SHC4: variants seen among roughly 807,000 people sequenced by gnomAD.
SHC4 encodes the protein SHC-transforming protein 4.
SHC4 carries 41 observed loss-of-function variants against 69.4 expected under a neutral mutation model. That is an observed-to-expected ratio of 0.59 (90% CI 0.46 to 0.77). The LOEUF (loss-of-function observed/expected upper bound fraction) is 0.77, where lower values mean the gene tolerates loss of function less well. SHC4 is among the 30% of genes least tolerant of loss of function. The pLI, the probability that SHC4 is intolerant of heterozygous loss-of-function variation, is 0.00. For synonymous variants in SHC4, 318 were observed against 299.3 expected (o/e 1.06, Z -0.64); for missense variants, 777 against 783.8 (o/e 0.99, Z 0.10).
At position 48,948,071 on chromosome 15, in the gene SHC4, G is replaced by A. The variant is rs953550631; in HGVS notation, c.585+14360C>T. On this transcript the variant is annotated intron_variant, in intron 1 of 11. Coordinates refer to ENST00000332408, the MANE Select transcript of SHC4 (RefSeq NM_203349.4). ...TCAGTTTCATCTCATGAATACACAG[G>A]GTCTTGGATAGGATTCTGCATGGGC... The A allele has an allele frequency of 2.6e-5, 4 of 152,174 alleles. No individual in the cohort carries two copies. In the East Asian group the frequency reaches 7.7e-4, roughly 29 times the overall value. The allele number at this position is 152,174 out of a possible 1,614,324, so 9.4% of individuals were successfully genotyped here.
chr15:48,828,032 C>A (rs1330229885), intron 11 of SHC4, among the ~76,000 whole-genome samples: 1 of 152,058 alleles, frequency 6.6e-6, no homozygotes, highest in Admixed American at 6.6e-5. Flanking sequence ...TAACTTCACC[C>A]ACACAAGATT....
At position 48,884,280 on chromosome 15, in the gene SHC4, T is replaced by C; in HGVS notation, c.808A>G (p.Ser270Gly). ...MNIKLTISTC[S>G]LTLMNLDNQQ... ...TTGTCAAGATTCATCAATGTGAGAC[T>C]GCATGTTGAGATGGTCAGTTTTATA... Residue 270 changes from serine (S) to glycine (G), a missense_variant, in exon 4 of 12, where the codon AGT becomes GGT. Coordinates refer to ENST00000332408, the MANE Select transcript of SHC4 (RefSeq NM_203349.4). 6.2e-7 allele frequency: 1 copy of C among 1,610,836 alleles called. No homozygotes were observed. The highest frequency in any genetic ancestry group is 8.5e-7 in the Non-Finnish European group (1 of 1,178,882).
At chr15:48,907,759 G>A (rs1321710185) in intron 2 of SHC4, among the ~76,000 whole-genome samples, 3 of 145,788 alleles carry the variant, frequency 2.1e-5, no homozygotes, top group Non-Finnish European at 4.4e-5. Context: ...TTATGACTGT[G>A]TAGTATTCCA....
chr15:48,919,375 A>C (rs112042064), intron 2 of SHC4, among the ~76,000 whole-genome samples: 2 of 130,174 alleles, frequency 1.5e-5, no homozygotes, highest in Non-Finnish European at 3.1e-5. Context: ...GTCACAATTC[A>C]CTGCAGCTTT....
chr15:48,881,250 C>T (rs2141001038), intron 4 of SHC4, among the ~76,000 whole-genome samples: 1 of 151,936 alleles, frequency 6.6e-6, no homozygotes, highest in East Asian at 1.9e-4. Context: ...ACCAACATCT[C>T]AGTACAGAGA....
intron 11 of SHC4, among the ~76,000 whole-genome samples, chr15:48,833,239 G>A (rs1898837470): frequency 6.6e-6 from 1 of 152,112 alleles, no homozygotes; most frequent in Non-Finnish European, 1.5e-5. Flanking sequence ...TCTGTGGGGG[G>A]ACGTGACTTT....
At chr15:48,846,597 T>C (rs941839157) in intron 9 of SHC4, among the ~76,000 whole-genome samples, 8 of 152,212 alleles carry the variant, frequency 5.3e-5, no homozygotes, top group African/African-American at 1.9e-4. Context: ...CATGATATAC[T>C]GCAAGAATCT....
chr15:48,882,329 T>C (rs1210442151), intron 4 of SHC4, among the ~76,000 whole-genome samples: 12 of 152,088 alleles, frequency 7.9e-5, no homozygotes, highest in Admixed American at 7.9e-4. Flanking sequence ...ATAAATGAGA[T>C]CTTAACTTTG....
intron 2 of SHC4, among the ~76,000 whole-genome samples, chr15:48,918,027 TCTGTAGCGGTAA>T (rs1900662542): frequency 6.6e-6 from 1 of 152,236 alleles, no homozygotes; most frequent in African/African-American, 2.4e-5. Context: ...GTTGTTTGTA[TCTGTAGCGGTAA>T]TTACTTACAC....
intron 4 of SHC4, among the ~76,000 whole-genome samples, chr15:48,874,776 C>T (rs1899761551): frequency 6.6e-6 from 1 of 152,180 alleles, no homozygotes; most frequent in Admixed American, 6.5e-5. Flanking sequence ...ACTTAAGTTG[C>T]ATCTGGTGGC....
intron 1 of SHC4, among the ~76,000 whole-genome samples, chr15:48,942,618 G>C (rs1443736139): frequency 6.6e-6 from 1 of 151,998 alleles, no homozygotes; most frequent in Non-Finnish European, 1.5e-5. Context: ...TTTTTACATT[G>C]CTTGAAGGTC....
At chr15:48,851,142 AC>A (rs1899206087) in intron 9 of SHC4, 45 bp downstream of exon 9, 1 of 1,591,794 alleles carries the variant, frequency 6.3e-7, no homozygotes, top group Admixed American at 1.7e-5. Context: ...CATAGGACTT[AC>A]AAGGAATAAG....
chr15:48,924,641 A>C (rs1900813447), intron 2 of SHC4, among the ~76,000 whole-genome samples: 1 of 152,192 alleles, frequency 6.6e-6, no homozygotes, highest in African/African-American at 2.4e-5. Flanking sequence ...ATTTCTGTAG[A>C]CTGTATCATC....
chr15:48,958,896 T>A (rs1901494999), intron 1 of SHC4, among the ~76,000 whole-genome samples: 1 of 152,244 alleles, frequency 6.6e-6, no homozygotes, highest in Admixed American at 6.5e-5. Context: ...GTCCTATTTC[T>A]GGCTCAATAT....
rs370633321 is a variant in SHC4, at chr15:48,917,552, C to T, written c.656+7327G>A. ...CTATCAGTAAAAACCTCCTCTTTTGCCCTTTTGCATGAATATTCTATTATT... is the reference window on the plus strand; with the variant it reads ...CTATCAGTAAAAACCTCCTCTTTTGTCCTTTTGCATGAATATTCTATTATT... On this transcript the variant is annotated intron_variant, in intron 2 of 11. Transcript: ENST00000332408. Among the ~76,000 whole-genome samples the T allele has an allele frequency of 5.3e-5, 8 of 152,006 alleles. No individual in the cohort carries two copies. The East Asian group carries it at 7.7e-4, about 15-fold the overall frequency.
chr15:48,876,069 C>A (rs529921121), intron 4 of SHC4, among the ~76,000 whole-genome samples: 1 of 152,292 alleles, frequency 6.6e-6, no homozygotes, highest in East Asian at 1.9e-4. Flanking sequence ...TCAGAGATTT[C>A]TTTGTAGAAA....
At chr15:48,929,877 G>A (rs1413810670) in intron 1 of SHC4, among the ~76,000 whole-genome samples, 4 of 152,202 alleles carry the variant, frequency 2.6e-5, no homozygotes, top group Non-Finnish European at 5.9e-5. Context: ...CTCCCAACTC[G>A]CTTCCTCCCT....
At chr15:48,898,214 T>G (rs543364128) in intron 2 of SHC4, among the ~76,000 whole-genome samples, 1 of 152,292 alleles carries the variant, frequency 6.6e-6, no homozygotes, top group African/African-American at 2.4e-5. Flanking sequence ...ATCCAAGAAT[T>G]TGTGAAAGCC....
chr15:48,943,029 A>C (rs961119319), intron 1 of SHC4, among the ~76,000 whole-genome samples: 3 of 152,224 alleles, frequency 2.0e-5, no homozygotes, highest in Non-Finnish European at 4.4e-5. Flanking sequence ...TATCCTCCAG[A>C]AAGTCTCACT....
Sources: gnomAD v4.1 joint callset for allele counts (sites outside exome capture counted in the v4.1 genomes callset) on GRCh38, gnomAD v4.1.1 for gene constraint, MANE v1.5 for transcripts, NCBI Gene and HGNC (gene_info 2026-07-23, HGNC 2026-07-21) for gene names.